IL1RAPL2: variants seen among roughly 807,000 people sequenced by gnomAD.
IL1RAPL2 encodes X-linked interleukin-1 receptor accessory protein-like 2.
IL1RAPL2 carries 3 observed loss-of-function variants against 44.1 expected under a neutral mutation model. The ratio of observed to expected loss-of-function variants is 0.07; its 90% CI spans 0.03 to 0.18. IL1RAPL2 has a LOEUF of 0.18. Among genes scored for constraint, IL1RAPL2 ranks in the 10% least tolerant of loss-of-function variants. The pLI, the probability that IL1RAPL2 is intolerant of heterozygous loss-of-function variation, is 1.00. For synonymous variants in IL1RAPL2, 181 were observed against 178.8 expected (o/e 1.01, Z -0.10); for missense variants, 391 against 496.4 (o/e 0.79, Z 2.02).
At chrX:105,242,752 T>A (rs781996022) in intron 4 of IL1RAPL2, among the ~76,000 whole-genome samples, 2 of 111,603 alleles carry the variant, frequency 1.8e-5, no homozygotes, top group East Asian at 5.7e-4. Flanking sequence ...TCATGAAAGT[T>A]CCATCAAGAG....
chrX:104,856,419 C>T (rs1452841119), intron 2 of IL1RAPL2, among the ~76,000 whole-genome samples: 1 of 111,679 alleles, frequency 9.0e-6, no homozygotes, highest in East Asian at 2.8e-4. Flanking sequence ...ACAAAATCTG[C>T]AGAAGTGCAC....
At chrX:105,017,298 C>A (rs2031199655) in intron 2 of IL1RAPL2, among the ~76,000 whole-genome samples, 1 of 111,233 alleles carries the variant, frequency 9.0e-6, no homozygotes, top group African/African-American at 3.3e-5. Context: ...TGTCTATCTC[C>A]TTCAGTTCTG....
At chrX:105,234,821 A>G (rs12397034) in intron 4 of IL1RAPL2, among the ~76,000 whole-genome samples, 13 of 106,501 alleles carry the variant, frequency 1.2e-4, no homozygotes, top group East Asian at 1.2e-3. Flanking sequence ...AAAAAAAAAA[A>G]AAGAAGAGAG....
chrX:105,696,093 A>G (rs186870715), intron 6 of IL1RAPL2, among the ~76,000 whole-genome samples: 7 of 112,261 alleles, frequency 6.2e-5, no homozygotes, highest in African/African-American at 1.9e-4. Flanking sequence ...AATATTCAGT[A>G]TGTACTAGGA....
At chrX:104,658,365 A>G (rs1200932479) in intron 1 of IL1RAPL2, among the ~76,000 whole-genome samples, 1 of 112,184 alleles carries the variant, frequency 8.9e-6, no homozygotes, top group African/African-American at 3.2e-5. Flanking sequence ...TATCACAAGG[A>G]CAGAAAACCA....
chrX:105,455,645 A>G (rs1048781726), intron 5 of IL1RAPL2, among the ~76,000 whole-genome samples: 1 of 110,969 alleles, frequency 9.0e-6, no homozygotes, highest in African/African-American at 3.3e-5. Context: ...GTGTGGCCTT[A>G]TTTCTGCGTT....
At chrX:105,688,062 G>C (rs1327823239) in intron 6 of IL1RAPL2, among the ~76,000 whole-genome samples, 2 of 111,521 alleles carry the variant, frequency 1.8e-5, no homozygotes, top group African/African-American at 3.3e-5. Flanking sequence ...GGTATTGATG[G>C]AACCTATCTC....
At chrX:105,324,462 A>G (rs779560177) in intron 5 of IL1RAPL2, among the ~76,000 whole-genome samples, 1 of 111,742 alleles carries the variant, frequency 8.9e-6, no homozygotes, top group African/African-American at 3.2e-5. Context: ...ACCAAAAAGA[A>G]TCTCTCGTTC....
intron 2 of IL1RAPL2, among the ~76,000 whole-genome samples, chrX:104,898,190 G>A (rs907052469): frequency 8.0e-5 from 9 of 112,061 alleles, no homozygotes; most frequent in African/African-American, 2.9e-4. Flanking sequence ...CACTTGATGT[G>A]CACTTCTGTG....
At chrX:105,033,496 T>C (rs1268848001) in intron 2 of IL1RAPL2, among the ~76,000 whole-genome samples, 1 of 111,639 alleles carries the variant, frequency 9.0e-6, no homozygotes, top group Non-Finnish European at 1.9e-5. Context: ...TTAGTTTGGC[T>C]GGATATGAAA....
intron 5 of IL1RAPL2, among the ~76,000 whole-genome samples, chrX:105,321,436 G>T (rs1397661395): frequency 8.9e-6 from 1 of 111,755 alleles, no homozygotes; most frequent in Admixed American, 9.5e-5. Context: ...TAATTTGCAT[G>T]GCCCAGTGTA....
chrX:105,073,996 G>A, intron 2 of IL1RAPL2, among the ~76,000 whole-genome samples: 1 of 111,476 alleles, frequency 9.0e-6, no homozygotes, highest in Admixed American at 9.5e-5. Flanking sequence ...TAGGTTGCCT[G>A]TTCACTCTGA....
intron 2 of IL1RAPL2, among the ~76,000 whole-genome samples, chrX:105,011,498 T>A (rs1052862628): frequency 1.8e-5 from 2 of 111,444 alleles, no homozygotes; most frequent in Non-Finnish European, 3.8e-5. Flanking sequence ...TCACAGCTAG[T>A]CCTTGGCATC....
intron 1 of IL1RAPL2, among the ~76,000 whole-genome samples, chrX:104,596,073 C>A (rs1928757967): frequency 9.0e-6 from 1 of 110,659 alleles, no homozygotes; most frequent in African/African-American, 3.3e-5. Flanking sequence ...ACAAGGAAAA[C>A]AAGTATATTG....
At chrX:105,263,034 C>T (rs2034372262) in intron 4 of IL1RAPL2, among the ~76,000 whole-genome samples, 3 of 110,211 alleles carry the variant, frequency 2.7e-5, no homozygotes, top group Admixed American at 1.9e-4. Context: ...TACAGGCATG[C>T]ACCACCACGC....
At chrX:105,409,845 T>TAGATAGATAGATAGATAGAC (rs757454072) in intron 5 of IL1RAPL2, among the ~76,000 whole-genome samples, 53 of 85,978 alleles carry the variant, frequency 6.2e-4, no homozygotes, top group Non-Finnish European at 8.4e-4. Context: ...GATAGATAGA[T>TAGATAGATAGATAGATAGAC]AGACAGACAG....
Position 105,203,523 on chromosome X carries a change from A to T in IL1RAPL2, c.356+7775A>T, listed in dbSNP as rs781790455. 3.5e-4 allele frequency among the ~76,000 whole-genome samples: 6 copies of T among 17,020 alleles called. No individual in the cohort carries two copies. The East Asian group carries it at 0.01, about 28-fold the overall frequency. The allele number at this position is 17,020 out of a possible 115,157, so 14.8% of individuals were successfully genotyped here. A position where few individuals can be genotyped will look rare whatever the true frequency, so the allele number is the denominator to read the frequency against. ...ATTATATCTCAATAAAACTATTTATAAAAAAAAGTGTTGTCTGCATTCAGT... is the reference window on the plus strand; with the variant it reads ...ATTATATCTCAATAAAACTATTTATTAAAAAAAGTGTTGTCTGCATTCAGT... On this transcript the variant is annotated intron_variant, in intron 3 of 10. Transcript: ENST00000372582.
chrX:104,910,127 C>T (rs1005836754), intron 2 of IL1RAPL2, among the ~76,000 whole-genome samples: 1 of 112,318 alleles, frequency 8.9e-6, no homozygotes, highest in African/African-American at 3.2e-5. Flanking sequence ...CAGGTGCCGT[C>T]CGTCACCCCT....
intron 2 of IL1RAPL2, among the ~76,000 whole-genome samples, chrX:104,677,862 G>C (rs1020796268): frequency 1.8e-5 from 2 of 112,026 alleles, no homozygotes; most frequent in African/African-American, 6.5e-5. Flanking sequence ...CGATTTTCCA[G>C]GTGCCCTCCG....
Sources: allele counts gnomAD v4.1 joint callset (sites outside exome capture counted in the v4.1 genomes callset), GRCh38; gene constraint gnomAD v4.1.1; transcripts MANE v1.5; gene names NCBI Gene and HGNC (gene_info 2026-07-23, HGNC 2026-07-21).